LAMA2: variants seen among roughly 807,000 people sequenced by gnomAD.
The protein encoded by LAMA2 is laminin subunit alpha 2.
A neutral mutation model predicts 364.8 loss-of-function variants in LAMA2; 269 were observed. The ratio of observed to expected loss-of-function variants is 0.74; its 90% CI spans 0.67 to 0.82. The LOEUF (loss-of-function observed/expected upper bound fraction) is 0.82, where lower values mean the gene tolerates loss of function less well. Ranked by LOEUF, LAMA2 falls within the 40% of genes least tolerant of loss-of-function variation. LAMA2 has a pLI of 0.00. For missense variants in LAMA2, 3,807 were observed against 3,873.2 expected (o/e 0.98, Z 0.45); for synonymous variants, 1,379 against 1,370.6 (o/e 1.01, Z -0.14).
intron 17 of LAMA2, among the ~76,000 whole-genome samples, chr6:129,271,324 C>T (rs557731395): frequency 3.3e-5 from 5 of 152,232 alleles, no homozygotes; most frequent in Non-Finnish European, 5.9e-5. Flanking sequence ...AGAAAGAACA[C>T]TTGACTTCCT....
chr6:129,366,236 A>G lies in LAMA2; in HGVS notation c.4735A>G (p.Thr1579Ala). The part of the protein sequence containing the change: ...WECVFCGDEC[T>A]GLLLGDLARL... ...TTTCACAGTTTGTGGAGATGAGTGC[A>G]CTGGCCTTCTTCTCGGTGACTTGGC... Residue 1579 changes from threonine to alanine, a missense_variant, in exon 33 of 65, where the codon ACT becomes GCT. Physicochemically the swap from Thr to Ala is moderately conservative, Grantham distance 58. This residue lies in a region of LAMA2 where 3,333 missense variants were observed against 3,345.7 expected (regional missense o/e 1.00). Coordinates refer to ENST00000421865, the MANE Select transcript of LAMA2 (RefSeq NM_000426.4). The G allele has an allele frequency of 6.2e-7, 1 of 1,611,958 alleles. No homozygotes were observed. Among genetic ancestry groups the G allele is most frequent in the Non-Finnish European group, 8.5e-7 (1 of 1,179,396 alleles).
At chr6:129,184,776 G>A (rs145735846) in intron 10 of LAMA2, among the ~76,000 whole-genome samples, 200 of 151,848 alleles carry the variant, frequency 1.3e-3, no homozygotes, top group African/African-American at 4.3e-3. Context: ...TTTCTCTATT[G>A]CCATAGTTTC....
chr6:129,048,540 C>CCTTCCTTTCTTT (rs1562188047), intron 1 of LAMA2, among the ~76,000 whole-genome samples: 6 of 53,984 alleles, frequency 1.1e-4, no homozygotes, highest in African/African-American at 2.6e-4. Flanking sequence ...TTCCTTCCTT[C>CCTTCCTTTCTTT]CTTTCTTTCT....
intron 9 of LAMA2, among the ~76,000 whole-genome samples, chr6:129,176,572 A>G (rs544485994): frequency 6.6e-6 from 1 of 152,222 alleles, no homozygotes; most frequent in South Asian, 2.1e-4. Context: ...TGTTGTCCAC[A>G]TATTTTTGTA....
intron 14 of LAMA2, among the ~76,000 whole-genome samples, chr6:129,258,659 T>C (rs367830310): frequency 6.6e-6 from 1 of 152,174 alleles, no homozygotes; most frequent in East Asian, 1.9e-4. Context: ...AAATTTTAAA[T>C]AGGTTTGAAA....
intron 9 of LAMA2, among the ~76,000 whole-genome samples, chr6:129,176,099 A>T (rs1021897084): frequency 6.6e-6 from 1 of 151,996 alleles, no homozygotes; most frequent in African/African-American, 2.4e-5. Flanking sequence ...TCCATACTCA[A>T]CAAAAATTAA....
At chr6:129,263,487 A>G (rs1787281177) in intron 15 of LAMA2, among the ~76,000 whole-genome samples, 1 of 152,102 alleles carries the variant, frequency 6.6e-6, no homozygotes, top group South Asian at 2.1e-4. Context: ...TGAGAGGGAC[A>G]ACGATGTAAA....
intron 4 of LAMA2, among the ~76,000 whole-genome samples, chr6:129,106,867 A>C (rs1332028496): frequency 7.3e-6 from 1 of 137,322 alleles, no homozygotes; most frequent in East Asian, 2.0e-4. Flanking sequence ...CCTCCAAAAA[A>C]AAAAAAAAAT....
At position 129,413,869 on chromosome 6, in the gene LAMA2, CAGAA is replaced by C. The variant is rs1780659021; in HGVS notation, c.5865+9916_5865+9919del. Reference sequence around the variant, plus strand: ...TGCTCAAGATGTTTAAAAAAGTACACAGAAAGAAATAAAAATAAAAGCAGAAATT... The same window carrying C: ...TGCTCAAGATGTTTAAAAAAGTACACAGAAATAAAAATAAAAGCAGAAATT... On this transcript the variant is annotated intron_variant, in intron 40 of 64. Transcript: ENST00000421865. Among the ~76,000 whole-genome samples the C allele has an allele frequency of 5.3e-5, 8 of 151,968 alleles. No homozygotes were observed. The South Asian group carries it at 1.7e-3, about 32-fold the overall frequency.
chr6:128,975,065 G>C (rs1782441546), intron 1 of LAMA2, among the ~76,000 whole-genome samples: 1 of 152,028 alleles, frequency 6.6e-6, no homozygotes, highest in African/African-American at 2.4e-5. Flanking sequence ...TGTTAGCCAG[G>C]ATGGTCTTGA....
At chr6:129,456,269 A>G (rs1010693348) in intron 47 of LAMA2, 66 bp from the exon 48 acceptor site, 2 of 1,425,820 alleles carry the variant, frequency 1.4e-6, no homozygotes. Context: ...TGGAATTACC[A>G]GAAATGTGAT....
intron 49 of LAMA2, among the ~76,000 whole-genome samples, chr6:129,462,316 C>A (rs1217351840): frequency 2.0e-5 from 3 of 151,830 alleles, no homozygotes; most frequent in Non-Finnish European, 2.9e-5. Context: ...CTGAAGACAC[C>A]AACCTCAAAG....
In LAMA2 at chr6:129,231,696, C is replaced by A. The variant is rs148729713; in HGVS notation, c.1783-18416C>A. Among the ~76,000 whole-genome samples, 39 of 152,144 alleles carry A rather than the reference C, an allele frequency of 2.6e-4. 1 individual carries two copies. Among genetic ancestry groups the A allele is most frequent in the Middle Eastern group, 3.4e-3 (1 of 294 alleles). ...TTTAGTTCCTTAAACTACCCATGCA[C>A]TTTCCTCCTCTTTCTTTTTACATTG... On this transcript the variant is annotated intron_variant, in intron 12 of 64. Transcript: ENST00000421865.
chr6:129,102,948 G>A (rs996272221), intron 4 of LAMA2, among the ~76,000 whole-genome samples: 5 of 152,158 alleles, frequency 3.3e-5, no homozygotes, highest in Admixed American at 2.6e-4. Flanking sequence ...CCAAGCCAGC[G>A]TGTGTGGGAA....
Position 128,904,439 on chromosome 6 carries a change from A to ATTTTTT in LAMA2, c.112+21084_112+21089dup, listed in dbSNP as rs1385901084. Among the ~76,000 whole-genome samples, 3 of 116,374 alleles carry ATTTTTT rather than the reference A, an allele frequency of 2.6e-5. 1 individual carries two copies. Among genetic ancestry groups the ATTTTTT allele is most frequent in the African/African-American group, 6.4e-5 (2 of 31,342 alleles). 76.3% of individuals were successfully genotyped at this position (116,374 alleles called of 152,430 possible). ...GTTGGATTTCCTGCTGAGTTTCTTTATTTTTTTCCTTTCTTTTTTTTTTTT... is the reference window on the plus strand; with the variant it reads ...GTTGGATTTCCTGCTGAGTTTCTTTATTTTTTTTTTTTTCCTTTCTTTTTTTTTTTT... On this transcript the variant is annotated intron_variant, in intron 1 of 64. Coordinates refer to ENST00000421865, the MANE Select transcript of LAMA2 (RefSeq NM_000426.4).
chr6:129,127,547 T>C (rs1268181377), intron 4 of LAMA2, among the ~76,000 whole-genome samples: 2 of 152,206 alleles, frequency 1.3e-5, no homozygotes, highest in Non-Finnish European at 2.9e-5. Flanking sequence ...GGAAGTGAGA[T>C]TGCTAGATCG....
At chr6:129,166,761 C>T (rs1003295040) in intron 9 of LAMA2, among the ~76,000 whole-genome samples, 1 of 151,860 alleles carries the variant, frequency 6.6e-6, no homozygotes, top group South Asian at 2.1e-4. Context: ...GGAGAGATAC[C>T]ACTATTAACA....
intron 41 of LAMA2, among the ~76,000 whole-genome samples, chr6:129,437,506 G>T (rs1781891474): frequency 6.6e-6 from 1 of 151,782 alleles, no homozygotes; most frequent in African/African-American, 2.4e-5. Context: ...CTCCTCACTT[G>T]GGGACTCTGT....
At chr6:129,143,010 T>TC (rs1229769889) in intron 4 of LAMA2, among the ~76,000 whole-genome samples, 1 of 152,022 alleles carries the variant, frequency 6.6e-6, no homozygotes, top group African/African-American at 2.4e-5. Context: ...CCTTCCTTTA[T>TC]CCGTGCCAAC....
Sources: gnomAD v4.1 joint callset for allele counts (sites outside exome capture counted in the v4.1 genomes callset) on GRCh38, gnomAD v4.1.1 for gene constraint, gnomAD v4.1.1 regional missense constraint, MANE v1.5 for transcripts, NCBI Gene and HGNC (gene_info 2026-07-23, HGNC 2026-07-21) for gene names.